Variants in SEZ6L observed in about 807,000 individuals in gnomAD.
SEZ6L encodes the protein seizure 6-like protein.
In SEZ6L, 37 loss-of-function variants were observed where a neutral mutation model predicts 106.2. The ratio of observed to expected loss-of-function variants is 0.35; its 90% CI spans 0.27 to 0.46. The LOEUF is 0.46. Ranked by LOEUF, SEZ6L falls within the 20% of genes least tolerant of loss-of-function variation. The pLI, the probability that SEZ6L is intolerant of heterozygous loss-of-function variation, is 1.00. For missense variants in SEZ6L, 1,172 were observed against 1,332.8 expected (o/e 0.88, Z 1.88); for synonymous variants, 541 against 570.4 (o/e 0.95, Z 0.73).
chr22:26,271,171 T>C (rs1354175428), intron 1 of SEZ6L, among the ~76,000 whole-genome samples: 1 of 152,206 alleles, frequency 6.6e-6, no homozygotes. Flanking sequence ...ATAGGAACTA[T>C]AGAACAGCAA....
chr22:26,203,641 T>G (rs56128035), intron 1 of SEZ6L, among the ~76,000 whole-genome samples: 2,232 of 152,280 alleles, frequency 0.015, 54 homozygotes, highest in African/African-American at 0.051. Flanking sequence ...ATCTTCTCAT[T>G]TAAGTCTTAC....
At chr22:26,304,914 T>C (rs1280756287) in intron 5 of SEZ6L, among the ~76,000 whole-genome samples, 1 of 152,222 alleles carries the variant, frequency 6.6e-6, no homozygotes, top group Non-Finnish European at 1.5e-5. Flanking sequence ...CTTTAGATGA[T>C]GTCATCATTG....
At chr22:26,234,199 C>T (rs553114437) in intron 1 of SEZ6L, among the ~76,000 whole-genome samples, 1 of 152,272 alleles carries the variant, frequency 6.6e-6, no homozygotes, top group African/African-American at 2.4e-5. Context: ...CATTCTGAAA[C>T]ATCACGTTAG....
chr22:26,304,369 G>GAAAGAAAGA (rs1556332058), intron 5 of SEZ6L, among the ~76,000 whole-genome samples: 20 of 98,294 alleles, frequency 2.0e-4, no homozygotes, highest in African/African-American at 5.3e-4. Flanking sequence ...AAAAAAGAAA[G>GAAAGAAAGA]AAGAAAGAAA....
intron 1 of SEZ6L, among the ~76,000 whole-genome samples, chr22:26,212,207 A>G (rs950521019): frequency 6.6e-6 from 1 of 152,170 alleles, no homozygotes; most frequent in Non-Finnish European, 1.5e-5. Context: ...TTCAGACCAC[A>G]CATGGCCTTT....
intron 9 of SEZ6L, among the ~76,000 whole-genome samples, chr22:26,326,784 C>T (rs902684296): frequency 6.6e-6 from 1 of 152,178 alleles, no homozygotes; most frequent in Non-Finnish European, 1.5e-5. Context: ...AGAGGTGGGC[C>T]GAGGTGGCAG....
In SEZ6L at chr22:26,380,465, A is replaced by G; in HGVS notation, c.*170A>G. 2.0e-6 allele frequency: 1 copy of G among 504,750 alleles called. No individual in the cohort carries two copies. Among genetic ancestry groups the G allele is most frequent in the Non-Finnish European group, 3.5e-6 (1 of 286,766 alleles). The allele number at this position is 504,750 out of a possible 1,614,324, so 31.3% of individuals were successfully genotyped here. On this transcript the variant is annotated 3_prime_UTR_variant, in exon 17 of 17. Coordinates refer to ENST00000248933, the MANE Select transcript of SEZ6L (RefSeq NM_021115.5). ...CTTCCCTGTATTTATTATATTTAAA[A>G]GTGAAATAGGTGTGGGTTTGGATGT...
chr22:26,292,034 A>AGGAT (rs879676680), intron 1 of SEZ6L, among the ~76,000 whole-genome samples: 5 of 47,360 alleles, frequency 1.1e-4, no homozygotes, highest in East Asian at 3.1e-4. Flanking sequence ...GAAGGAAGGA[A>AGGAT]GGATGGATGG....
chr22:26,265,565 G>T (rs1423044996), intron 1 of SEZ6L, among the ~76,000 whole-genome samples: 5 of 152,184 alleles, frequency 3.3e-5, no homozygotes, highest in Non-Finnish European at 7.4e-5. Context: ...CACTGGAACT[G>T]ACAAGGAAAG....
rs1489674818 is a variant in SEZ6L, at chr22:26,380,372, C to T, written c.*77C>T. On this transcript the variant is annotated 3_prime_UTR_variant, in exon 17 of 17. Transcript: ENST00000248933. Reference sequence around the variant, plus strand: ...AGACATTCATCCAGAGACCATGTGGCACTTGATTGAAACCCCAGAATGTCG... The same window carrying T: ...AGACATTCATCCAGAGACCATGTGGTACTTGATTGAAACCCCAGAATGTCG... The T allele has an allele frequency of 1.6e-6, 2 of 1,212,764 alleles. No homozygotes were observed. The highest frequency in any genetic ancestry group is 2.4e-6 in the Non-Finnish European group (2 of 822,916). The allele number at this position is 1,212,764 out of a possible 1,614,324, so 75.1% of individuals were successfully genotyped here.
intron 9 of SEZ6L, among the ~76,000 whole-genome samples, chr22:26,326,081 G>A (rs1159200415): frequency 6.6e-6 from 1 of 152,156 alleles, no homozygotes; most frequent in Non-Finnish European, 1.5e-5. Flanking sequence ...AGGGGATTGT[G>A]GTGGTAACTT....
chr22:26,264,655 G>T (rs756493005), intron 1 of SEZ6L, among the ~76,000 whole-genome samples: 1 of 152,140 alleles, frequency 6.6e-6, no homozygotes, highest in Non-Finnish European at 1.5e-5. Context: ...TTTAGTCTCT[G>T]GGGCATCTAT....
At chr22:26,230,898 A>T (rs1309228778) in intron 1 of SEZ6L, among the ~76,000 whole-genome samples, 1 of 152,204 alleles carries the variant, frequency 6.6e-6, no homozygotes, top group African/African-American at 2.4e-5. Context: ...ATTATTGACG[A>T]GGCCAGCACA....
intron 9 of SEZ6L, among the ~76,000 whole-genome samples, chr22:26,325,054 G>A (rs2082267423): frequency 6.6e-6 from 1 of 152,150 alleles, no homozygotes; most frequent in African/African-American, 2.4e-5. Context: ...ACATAGACAC[G>A]CATCTCTGCT....
At chr22:26,340,309 A>T in intron 9 of SEZ6L, 127 bp from the exon 10 acceptor site, 2 of 805,388 alleles carry the variant, frequency 2.5e-6, no homozygotes, top group Non-Finnish European at 2.0e-6. Context: ...TGGGGTTAAG[A>T]CACATAGCCT....
intron 3 of SEZ6L, 29 bp from the exon 4 acceptor site, chr22:26,296,859 C>A: frequency 6.6e-7 from 1 of 1,524,456 alleles, no homozygotes; most frequent in Non-Finnish European, 8.9e-7. Flanking sequence ...ACTCAGAGTT[C>A]CTCTCTGTCT....
intron 9 of SEZ6L, among the ~76,000 whole-genome samples, chr22:26,328,549 A>G (rs2082389089): frequency 6.6e-6 from 1 of 151,894 alleles, no homozygotes. Flanking sequence ...GCAGCCGGGG[A>G]GCTGTTGGGT....
intron 1 of SEZ6L, among the ~76,000 whole-genome samples, chr22:26,237,290 C>T (rs756365537): frequency 2.0e-5 from 3 of 152,212 alleles, no homozygotes; most frequent in Admixed American, 6.5e-5. Context: ...TTCAATTACA[C>T]GCCTGTTTCC....
At chr22:26,303,882 A>G (rs1569454041) in intron 5 of SEZ6L, among the ~76,000 whole-genome samples, 1 of 152,070 alleles carries the variant, frequency 6.6e-6, no homozygotes, top group Non-Finnish European at 1.5e-5. Flanking sequence ...GGAAGGAAAT[A>G]TTTTTCAAGC....
Sources: gnomAD v4.1 joint callset for allele counts (sites outside exome capture counted in the v4.1 genomes callset) on GRCh38, gnomAD v4.1.1 for gene constraint, MANE v1.5 for transcripts, NCBI Gene and HGNC (gene_info 2026-07-23, HGNC 2026-07-21) for gene names.